The following PHYKPL variants were observed in gnomAD, a reference collection of about 807,000 sequenced individuals.
PHYKPL encodes the protein 5-phosphohydroxy-L-lysine phospho-lyase, also known as 5-phosphonooxy-L-lysine phospho-lyase.
Under a neutral mutation model 51.3 loss-of-function variants are expected in PHYKPL, and 42 were observed. That is an observed-to-expected ratio of 0.82 (90% CI 0.64 to 1.06). The LOEUF is 1.06. Ranked by LOEUF, PHYKPL falls within the 50% of genes least tolerant of loss-of-function variation. The probability of loss-of-function intolerance (pLI) is 0.00; values close to 1 mark genes in which losing one functional copy is unlikely to be tolerated. For missense variants in PHYKPL, 655 were observed against 586.6 expected (o/e 1.12, Z -1.20); for synonymous variants, 264 against 236.0 (o/e 1.12, Z -1.09).
In PHYKPL at chr5:178,224,669, C is replaced by G. The variant is rs1482967560; in HGVS notation, c.474G>C (p.Leu158=). The G allele has an allele frequency of 3.7e-6, 6 of 1,614,110 alleles. No individual in the cohort carries two copies. The highest frequency in any genetic ancestry group is 5.1e-6 in the Non-Finnish European group (6 of 1,180,052). Residue 158 remains leucine (L), a synonymous_variant, in exon 5 of 13, where the codon CTG becomes CTC. Coordinates refer to ENST00000308158, the MANE Select transcript of PHYKPL (RefSeq NM_153373.4). ...CGTGGACCCACTCCTTCTGGCCATC[C>G]AGGTTGCGGAACTTGTAGGGACTGA... The part of the protein sequence containing the change: ...IDISPYKFRN[L]DGQKEWVHVA...
rs1030619666 is a variant in PHYKPL, at chr5:178,213,680, G to A, written c.1173-577C>T. On this transcript the variant is annotated intron_variant, in intron 10 of 12. Transcript: ENST00000308158. ...CATCTCTGAGATGAGGGGTCTGCAT[G>A]ATTGTGTTTATATTCTTTGATCATT... is the stretch of plus-strand genomic sequence containing the variant. 5.3e-5 allele frequency among the ~76,000 whole-genome samples: 8 copies of A among 152,332 alleles called. No homozygotes were observed. The East Asian group carries it at 9.6e-4, about 18-fold the overall frequency.
In PHYKPL at chr5:178,211,959, T is replaced by C. The variant is rs374048479; in HGVS notation, c.1315A>G (p.Lys439Glu). 1.5e-4 allele frequency: 249 copies of C among 1,613,986 alleles called. No individual in the cohort carries two copies. Among genetic ancestry groups the C allele is most frequent in the Non-Finnish European group, 2.0e-4 (232 of 1,179,992 alleles). The change falls in exon 12 of 13, where the codon AAG becomes GAG. Residue 439 changes from lysine (K) to glutamate (E), a missense_variant. Transcript: ENST00000308158. ...CTCAGCGTTTCACAACTTCTCACCT[T>C]CTCTTCCATGTCTGAAAAAGACCAC... ...LDAILTDMEE[K>E]VRSCETLRLQ...
intron 3 of PHYKPL, chr5:178,228,454 A>C (rs1332875532): frequency 2.9e-6 from 2 of 690,120 alleles, no homozygotes; most frequent in African/African-American, 3.5e-5. Flanking sequence ...CACAGAATAA[A>C]GCTGGTGGCA....
chr5:178,207,355 T>C (rs1391683463), downstream of PHYKPL: 2 of 1,069,334 alleles, frequency 1.9e-6, no homozygotes, highest in African/African-American at 3.2e-5. Context: ...CTCTGAAGCG[T>C]ATGCTGCCCT....
chr5:178,222,482 T>C lies in PHYKPL; in HGVS notation c.800A>G (p.Lys267Arg). 2 of 1,614,252 alleles carry C rather than the reference T, an allele frequency of 1.2e-6. No individual in the cohort carries two copies. The highest frequency in any genetic ancestry group is 1.7e-6 in the Non-Finnish European group (2 of 1,180,046). ...KHFWAFQLQG[K>R]DFVPDIVTMG... ...GGTGACGATGTCAGGGACGAAGTCT[T>C]TTCCCTGGAGCTGGAAGGCCCAGAA... The change falls in exon 8 of 13, where the codon AAA (lysine) becomes AGA (arginine). Residue 267 changes from lysine (K) to arginine (R), a missense_variant. Lys to Arg is a conservative substitution (Grantham distance 26). Transcript: ENST00000308158.
chr5:178,211,985 A>G lies in PHYKPL; in HGVS notation c.1304-15T>C, dbSNP rs769994843. 3 of 1,614,136 alleles carry G rather than the reference A, an allele frequency of 1.9e-6. No homozygotes were observed. The highest frequency in any genetic ancestry group is 2.2e-5 in the East Asian group (1 of 44,878). On this transcript the variant is annotated splice_polypyrimidine_tract_variant and intron_variant, in intron 11 of 12. Coordinates refer to ENST00000308158, the MANE Select transcript of PHYKPL (RefSeq NM_153373.4). ...CTCTTCCATGTCTGAAAAAGACCAC[A>G]AAGCAATGCCGACTCAGTCACCTTT...
In PHYKPL at chr5:178,224,561, G is replaced by A. The variant is rs1165340465; in HGVS notation, c.505C>T (p.Pro169Ser). 3 of 1,614,218 alleles carry A rather than the reference G, an allele frequency of 1.9e-6. No homozygotes were observed. The highest frequency in any genetic ancestry group is 2.2e-5 in the South Asian group (2 of 91,092). Residue 169 changes from proline to serine, a missense_variant, in exon 6 of 13, where the codon CCT becomes TCT. By Grantham distance (74) the Pro-to-Ser change is moderately conservative. Coordinates refer to ENST00000308158, the MANE Select transcript of PHYKPL (RefSeq NM_153373.4). ...GGGCCCCGGTAGGTGTCTGGGAGAG[G>A]TGCCTGTGGGGAGTGACAGCGCCAT... ...DGQKEWVHVA[P>S]LPDTYRGPYR...
intron 4 of PHYKPL, among the ~76,000 whole-genome samples, 159 bp downstream of exon 4, chr5:178,225,196 T>A (rs74972434): frequency 2.0e-3 from 298 of 152,336 alleles, no homozygotes; most frequent in African/African-American, 7.0e-3. Context: ...ACAGAGCCTC[T>A]GGGAGGTCTC....
intron 9 of PHYKPL, 21 bp downstream of exon 9, chr5:178,215,255 C>T: frequency 3.1e-6 from 5 of 1,613,824 alleles, no homozygotes; most frequent in Non-Finnish European, 3.4e-6. Context: ...TGGGTGGTGA[C>T]TGCTGCCCCC....
At chr5:178,230,158 TC>T in intron 2 of PHYKPL, 59 bp from the exon 3 acceptor site, 6 of 1,598,594 alleles carry the variant, frequency 3.8e-6, no homozygotes, top group Non-Finnish European at 3.4e-6. Flanking sequence ...CCACTGGGCC[TC>T]CCCCAGCCCC....
chr5:178,209,019 C>A, intron 12 of PHYKPL, 104 bp from the exon 13 acceptor site: 1 of 320,714 alleles, frequency 3.1e-6, no homozygotes, highest in South Asian at 3.6e-5. Flanking sequence ...GGTGCCTGGT[C>A]CCAGCCTGTC....
intron 11 of PHYKPL, among the ~76,000 whole-genome samples, chr5:178,212,473 A>C (rs1026057960): frequency 2.6e-5 from 4 of 152,166 alleles, no homozygotes; most frequent in African/African-American, 7.2e-5. Flanking sequence ...TTTAGGGGGA[A>C]CCCTGGGTTG....
At chr5:178,229,248 G>A (rs1394802911) in intron 3 of PHYKPL, among the ~76,000 whole-genome samples, 1 of 152,018 alleles carries the variant, frequency 6.6e-6, no homozygotes, top group African/African-American at 2.4e-5. Flanking sequence ...TGGGATTACA[G>A]GCACCCACCA....
intron 6 of PHYKPL, 35 bp downstream of exon 6, chr5:178,224,413 T>C (rs1461102480): frequency 6.6e-7 from 1 of 1,526,616 alleles, no homozygotes; most frequent in Non-Finnish European, 8.9e-7. Flanking sequence ...TGACATTCAC[T>C]GTTGGCTGGA....
intron 9 of PHYKPL, 33 bp downstream of exon 9, chr5:178,215,243 G>C: frequency 6.2e-7 from 1 of 1,613,666 alleles, no homozygotes; most frequent in Non-Finnish European, 8.5e-7. Context: ...GGCCTTGGCA[G>C]GTGGGTGGTG....
At chr5:178,225,485 G>C in intron 3 of PHYKPL, 56 bp from the exon 4 acceptor site, 1 of 1,566,074 alleles carries the variant, frequency 6.4e-7, no homozygotes, top group South Asian at 1.1e-5. Flanking sequence ...TTCCCAGAGA[G>C]AAATGCTGAG....
At chr5:178,219,159 A>G (rs1760577079) in intron 8 of PHYKPL, among the ~76,000 whole-genome samples, 2 of 152,344 alleles carry the variant, frequency 1.3e-5, no homozygotes, top group South Asian at 4.1e-4. Context: ...GATATCTTAA[A>G]CAATATATGA....
intron 11 of PHYKPL, 49 bp downstream of exon 11, chr5:178,212,924 C>G (rs557193610): frequency 5.0e-6 from 8 of 1,604,566 alleles, no homozygotes; most frequent in Middle Eastern, 1.7e-4. Context: ...TAGTTGCTGG[C>G]TTCAGGCTGA....
In PHYKPL at chr5:178,231,501, G is replaced by GA. The variant is rs530484554; in HGVS notation, c.81dup (p.Pro28SerfsTer6). On this transcript the variant is annotated frameshift_variant, in exon 2 of 13. Coordinates refer to ENST00000308158, the MANE Select transcript of PHYKPL (RefSeq NM_153373.4). LOFTEE classifies it high-confidence loss of function. The stretch of plus-strand genomic sequence containing the variant: ...CGGACAATCTTAACAGGATCCTCGG[G>GA]AAAAAAGAGTCTGCAGGAAGAGCTG... The GA allele has an allele frequency of 3.9e-5, 63 of 1,613,978 alleles. 1 individual carries two copies. The highest frequency in any genetic ancestry group is 3.3e-4 in the Middle Eastern group (2 of 6,084).
Sources: allele counts gnomAD v4.1 joint callset (sites outside exome capture counted in the v4.1 genomes callset), GRCh38; gene constraint gnomAD v4.1.1; transcripts MANE v1.5; gene names NCBI Gene and HGNC (gene_info 2026-07-23, HGNC 2026-07-21).